Variants in YTHDC2 observed in about 807,000 individuals in gnomAD.
YTHDC2 encodes the protein 3'-5' RNA helicase YTHDC2.
YTHDC2 carries 45 observed loss-of-function variants against 174.9 expected under a neutral mutation model. The ratio of observed to expected loss-of-function variants is 0.26; its 90% CI spans 0.20 to 0.33. The LOEUF (loss-of-function observed/expected upper bound fraction) is 0.33. YTHDC2 is among the 10% of genes least tolerant of loss of function. The pLI, the probability that YTHDC2 is intolerant of heterozygous loss-of-function variation, is 1.00. For synonymous variants in YTHDC2, 657 were observed against 574.5 expected, an observed-to-expected ratio of 1.14 and a Z score of -2.05; for missense variants, 1,650 against 1,723.7, an observed-to-expected ratio of 0.96 and a Z score of 0.76.
intron 7 of YTHDC2, among the ~76,000 whole-genome samples, chr5:113,536,295 G>C (rs1375597118): frequency 6.6e-6 from 1 of 152,226 alleles, no homozygotes; most frequent in African/African-American, 2.4e-5. Flanking sequence ...GGAGGCCAAG[G>C]CAGGTGGATC....
intron 23 of YTHDC2, among the ~76,000 whole-genome samples, chr5:113,569,156 GTGTC>G (rs1322234056): frequency 6.6e-6 from 1 of 152,108 alleles, no homozygotes; most frequent in Non-Finnish European, 1.5e-5. Context: ...CTTTTGAAAA[GTGTC>G]TGTTCGTGTC....
At position 113,578,405 on chromosome 5, in the gene YTHDC2, T is replaced by C. The variant is rs555738973; in HGVS notation, c.3245-1181T>C. Among the ~76,000 whole-genome samples, 5 of 151,634 alleles carry C rather than the reference T, an allele frequency of 3.3e-5. No individual in the cohort carries two copies. In the East Asian group the frequency reaches 9.7e-4, roughly 29 times the overall value. On this transcript the variant is annotated intron_variant, in intron 23 of 29. Coordinates refer to ENST00000161863, the MANE Select transcript of YTHDC2 (RefSeq NM_022828.5). ...TTGTTTTGTTTTGTTTTTTTGTGTA[T>C]GTGTTAAAAATTTGTTGAATTTACT...
intron 2 of YTHDC2, among the ~76,000 whole-genome samples, chr5:113,522,496 T>C (rs544148099): frequency 2.0e-5 from 3 of 152,288 alleles, no homozygotes; most frequent in East Asian, 3.9e-4. Context: ...CATTTACTTT[T>C]ATATTTCAAA....
At chr5:113,543,155 CA>C (rs1273215432) in intron 10 of YTHDC2, among the ~76,000 whole-genome samples, 7 of 152,164 alleles carry the variant, frequency 4.6e-5, no homozygotes, top group Non-Finnish European at 4.4e-5. Flanking sequence ...CTCCAGACCT[CA>C]TCTACCCCCA....
At chr5:113,516,505 G>C (rs1304942657) in intron 2 of YTHDC2, among the ~76,000 whole-genome samples, 2 of 152,182 alleles carry the variant, frequency 1.3e-5, no homozygotes, top group Non-Finnish European at 2.9e-5. Flanking sequence ...TGGTGCTATT[G>C]ACATTTTGGA....
rs148650875 is a variant in YTHDC2, at chr5:113,570,105, T to A, written c.3244+2256T>A. Among the ~76,000 whole-genome samples, 54 of 152,226 alleles carry A rather than the reference T, an allele frequency of 3.5e-4. 1 individual carries two copies. In the East Asian group the frequency reaches 0.01, roughly 29 times the overall value. ...TTATTTTACTTTATTTTATTTTATT[T>A]CATTTTTTTGAGATGGAGTCTTGCT... On this transcript the variant is annotated intron_variant, in intron 23 of 29. Coordinates refer to ENST00000161863, the MANE Select transcript of YTHDC2 (RefSeq NM_022828.5).
intron 26 of YTHDC2, 103 bp downstream of exon 26, chr5:113,584,582 G>C: frequency 9.5e-7 from 1 of 1,051,600 alleles, no homozygotes; most frequent in Non-Finnish European, 1.3e-6. Context: ...TCTAATTGTG[G>C]CCTCTTCTAG....
chr5:113,551,694 G>C (rs541463202), intron 12 of YTHDC2, among the ~76,000 whole-genome samples: 75 of 152,132 alleles, frequency 4.9e-4, no homozygotes, highest in African/African-American at 1.6e-3. Flanking sequence ...ACCATGGCAC[G>C]TGTATACCTA....
rs148246445 is a variant in YTHDC2, at chr5:113,520,710, A to G, written c.279-4271A>G. ...CCAATGGTTCTTTCTTATACATTAA[A>G]TGCAGCAGGATGTATGACAGAGCAT... On this transcript the variant is annotated intron_variant, in intron 2 of 29. Transcript: ENST00000161863. Among the ~76,000 whole-genome samples the G allele has an allele frequency of 2.4e-3, 369 of 152,310 alleles. 1 individual carries two copies. The highest frequency in any genetic ancestry group is 4.0e-3 in the Non-Finnish European group (273 of 68,024).
chr5:113,593,412 G>A (rs777263041), intron 29 of YTHDC2, 22 bp downstream of exon 29: 1 of 1,542,360 alleles, frequency 6.5e-7, no homozygotes, highest in Non-Finnish European at 8.9e-7. Context: ...TTGACTTTGA[G>A]TATTGGCAGT....
chr5:113,552,806 C>T (rs902784082), intron 12 of YTHDC2, among the ~76,000 whole-genome samples: 2 of 152,118 alleles, frequency 1.3e-5, no homozygotes, highest in African/African-American at 4.8e-5. Flanking sequence ...AATTTCTCCA[C>T]ACCCTCTCCA....
Position 113,564,003 on chromosome 5 carries a change from A to G in YTHDC2, c.2587A>G (p.Thr863Ala). The G allele has an allele frequency of 6.2e-7, 1 of 1,614,086 alleles. No homozygotes were observed. Among genetic ancestry groups the G allele is most frequent in the South Asian group, 1.1e-5 (1 of 91,080 alleles). Residue 863 changes from threonine (T) to alanine (A), a missense_variant, in exon 20 of 30, where the codon ACA becomes GCA. By Grantham distance (58) the Thr-to-Ala change is moderately conservative. Transcript: ENST00000161863. ...GGACCCCATCCTTACAATTGCTTGC[A>G]CACTAGCTTATCGAGATCCTTTTGT... Reference protein sequence around the residue: ...CLDPILTIACTLAYRDPFVLP... With the variant: ...CLDPILTIACALAYRDPFVLP...
chr5:113,592,184 C>G lies in YTHDC2; in HGVS notation c.4212+6C>G. The G allele has an allele frequency of 6.4e-7, 1 of 1,563,312 alleles. No individual in the cohort carries two copies. Among genetic ancestry groups the G allele is most frequent in the Non-Finnish European group, 8.6e-7 (1 of 1,164,092 alleles). On this transcript the variant is annotated splice_donor_region_variant and intron_variant, in intron 28 of 29. Transcript: ENST00000161863. ...AGATAAGCAGGGATGGGCAGGTATACAATGGCATTTTTTTTTTTATTTACT... is the reference window on the plus strand; with the variant it reads ...AGATAAGCAGGGATGGGCAGGTATAGAATGGCATTTTTTTTTTTATTTACT...
intron 23 of YTHDC2, among the ~76,000 whole-genome samples, chr5:113,576,371 A>G (rs762714301): frequency 3.3e-5 from 5 of 152,194 alleles, no homozygotes; most frequent in African/African-American, 4.8e-5. Context: ...TAGAAATAGT[A>G]TGATTGATAA....
chr5:113,541,336 C>T (rs1256754796), intron 9 of YTHDC2, among the ~76,000 whole-genome samples: 3 of 151,852 alleles, frequency 2.0e-5, no homozygotes, highest in East Asian at 1.9e-4. Context: ...GGACTATAGG[C>T]GCCCGCCACC....
chr5:113,560,218 A>G (rs997836058), intron 17 of YTHDC2, among the ~76,000 whole-genome samples: 2 of 152,144 alleles, frequency 1.3e-5, no homozygotes, highest in African/African-American at 4.8e-5. Context: ...CCTATAAAGG[A>G]CTCCCATTTT....
intron 26 of YTHDC2, among the ~76,000 whole-genome samples, chr5:113,588,837 C>T (rs1778833781): frequency 6.6e-6 from 1 of 151,754 alleles, no homozygotes; most frequent in Non-Finnish European, 1.5e-5. Context: ...GTTGGCCAGG[C>T]TGGTCTCGAA....
intron 16 of YTHDC2, among the ~76,000 whole-genome samples, chr5:113,555,223 A>T (rs1159940690): frequency 6.6e-6 from 1 of 152,054 alleles, no homozygotes; most frequent in Non-Finnish European, 1.5e-5. Context: ...AAGTAACTGA[A>T]ATTTAAAACA....
At chr5:113,525,275 A>T in intron 3 of YTHDC2, 98 bp downstream of exon 3, 2 of 1,014,956 alleles carry the variant, frequency 2.0e-6, no homozygotes, top group Middle Eastern at 2.2e-4. Flanking sequence ...ATGAAATAAG[A>T]TTTCTCAATT....
Sources: gnomAD v4.1 joint callset for allele counts (sites outside exome capture counted in the v4.1 genomes callset) on GRCh38, gnomAD v4.1.1 for gene constraint, MANE v1.5 for transcripts, NCBI Gene and HGNC (gene_info 2026-07-23, HGNC 2026-07-21) for gene names.